The following PGAP4 variants were observed in gnomAD, a reference collection of about 807,000 sequenced individuals.
The protein encoded by PGAP4 is GPI-N-acetylgalactosamine transferase PGAP4.
In PGAP4, 12 loss-of-function variants were observed where a neutral mutation model predicts 28.2. The observed-to-expected ratio is 0.42, with a 90% confidence interval of 0.27 to 0.69. The LOEUF is 0.69. Among genes scored for constraint, PGAP4 ranks in the 30% least tolerant of loss-of-function variants. The pLI is 0.22. For synonymous variants in PGAP4, 205 were observed against 211.8 expected (o/e 0.97, Z 0.28); for missense variants, 425 against 513.5 (o/e 0.83, Z 1.67).
At chr9:101,501,884 A>G in intron 2 of PGAP4, 1 of 435,968 alleles carries the variant, frequency 2.3e-6, no homozygotes, top group Non-Finnish European at 4.5e-6. Flanking sequence ...CTGGTGGAAC[A>G]TGTTTGCGGC....
chr9:101,485,835 A>G (rs193062562), intron 1 of PGAP4, among the ~76,000 whole-genome samples: 1 of 152,114 alleles, frequency 6.6e-6, no homozygotes, highest in Non-Finnish European at 1.5e-5. Context: ...TATCCTTACA[A>G]CATTCTAATA....
chr9:101,505,568 A>T (rs966065828), intron 2 of PGAP4, among the ~76,000 whole-genome samples: 6 of 151,054 alleles, frequency 4.0e-5, no homozygotes, highest in Non-Finnish European at 8.9e-5. Flanking sequence ...TTCTCTGAAT[A>T]AAAAAAAATG....
Position 101,503,696 on chromosome 9 carries a change from A to G in PGAP4, c.-164-14496T>C, listed in dbSNP as rs144465328. ...GAGGTAAGAGAGGTGGTAACCTGGGAAAGCCTGGAAAAAGTCCTGGGAAGA... is the reference window on the plus strand; with the variant it reads ...GAGGTAAGAGAGGTGGTAACCTGGGGAAGCCTGGAAAAAGTCCTGGGAAGA... On this transcript the variant is annotated intron_variant, in intron 2 of 3. Transcript: ENST00000374851. 4.4e-3 allele frequency among the ~76,000 whole-genome samples: 675 copies of G among 152,052 alleles called. 5 individuals are homozygous for G. The highest frequency in any genetic ancestry group is 0.015 in the African/African-American group (642 of 41,510).
At chr9:101,483,578 C>T in intron 1 of PGAP4, among the ~76,000 whole-genome samples, 1 of 152,032 alleles carries the variant, frequency 6.6e-6, no homozygotes, top group Non-Finnish European at 1.5e-5. Flanking sequence ...AGACTCAAAA[C>T]ATGGTTGGTA....
chr9:101,517,926 G>A (rs1826955318), intron 2 of PGAP4, among the ~76,000 whole-genome samples: 1 of 152,124 alleles, frequency 6.6e-6, no homozygotes, highest in Admixed American at 6.5e-5. Flanking sequence ...GTATGTGCAT[G>A]TCTGTCACAT....
intron 2 of PGAP4, among the ~76,000 whole-genome samples, chr9:101,512,633 A>G (rs1826907266): frequency 6.6e-6 from 1 of 152,168 alleles, no homozygotes; most frequent in Non-Finnish European, 1.5e-5. Flanking sequence ...TTCTTGATTC[A>G]TGATATGCTT....
rs372836892 is a variant in PGAP4, at chr9:101,495,853, A to C, written c.-164-6653T>G. Among the ~76,000 whole-genome samples the C allele has an allele frequency of 5.6e-4, 85 of 151,400 alleles. 1 individual carries two copies. In the South Asian group the frequency reaches 0.016, roughly 29 times the overall value. On this transcript the variant is annotated intron_variant, in intron 2 of 3. Transcript: ENST00000374851. ...AAAAAGGTAAAAAAACCAAACCAAA[A>C]CAAAACAAAAACATCCTCCCATAGT...
At chr9:101,494,869 C>A (rs2118579590) in intron 2 of PGAP4, among the ~76,000 whole-genome samples, 1 of 151,208 alleles carries the variant, frequency 6.6e-6, no homozygotes, top group Non-Finnish European at 1.5e-5. Context: ...CAGCATTACA[C>A]CAGGACCATT....
chr9:101,493,372 T>A (rs890437898), intron 2 of PGAP4, among the ~76,000 whole-genome samples: 6 of 152,274 alleles, frequency 3.9e-5, no homozygotes, highest in Admixed American at 1.3e-4. Flanking sequence ...TTGGATGTTA[T>A]CCACAGGTGA....
intron 2 of PGAP4, among the ~76,000 whole-genome samples, chr9:101,493,671 TCAAAG>T (rs1052435854): frequency 5.9e-5 from 9 of 152,306 alleles, no homozygotes; most frequent in African/African-American, 1.9e-4. Context: ...AATGTCTTGG[TCAAAG>T]CTGTTTACAG....
At position 101,476,807 on chromosome 9, in the gene PGAP4, C is replaced by T. The variant is rs1192557136; in HGVS notation, c.286G>A (p.Ala96Thr). The T allele has an allele frequency of 6.2e-7, 1 of 1,610,686 alleles. No homozygotes were observed. The highest frequency in any genetic ancestry group is 8.5e-7 in the Non-Finnish European group (1 of 1,178,202). ...ANGSVPIVWQ[A>T]TPRPWLVITI... is the part of the protein sequence containing the mutation. ...ATCACCAGCCAGGGCCGGGGGGTGGCCTGCCAGACAATGGGCACTGAGCCA... is the reference window on the plus strand; with the variant it reads ...ATCACCAGCCAGGGCCGGGGGGTGGTCTGCCAGACAATGGGCACTGAGCCA... Residue 96 changes from alanine (A) to threonine (T), a missense_variant, in exon 2 of 2, where the codon GCC (alanine) becomes ACC (threonine). Transcript: ENST00000374848. This position sits in a 1 kb window ranked among gnomAD's most constrained non-coding sequence, Gnocchi z 7.0.
intron 2 of PGAP4, among the ~76,000 whole-genome samples, chr9:101,502,485 A>T (rs1349530637): frequency 6.6e-6 from 1 of 152,042 alleles, no homozygotes. Context: ...AAATACCTCC[A>T]ATGACAGACA....
At chr9:101,515,236 T>C (rs2118616993) in intron 2 of PGAP4, among the ~76,000 whole-genome samples, 1 of 152,288 alleles carries the variant, frequency 6.6e-6, no homozygotes, top group East Asian at 1.9e-4. Flanking sequence ...GGCTGCTGCA[T>C]CCTTGGGCAT....
rs902983688 is a variant in PGAP4 at position 101,485,462 on chromosome 9, A to T, written c.-78+1487T>A. 2.6e-5 allele frequency among the ~76,000 whole-genome samples: 4 copies of T among 152,210 alleles called. No individual in the cohort carries two copies. In the East Asian group the frequency reaches 7.7e-4, roughly 29 times the overall value. On this transcript the variant is annotated intron_variant, in intron 1 of 1. Coordinates refer to ENST00000374848, the MANE Select transcript of PGAP4 (RefSeq NM_032342.3). ...AACAGAAAATACTCGCTATAGTGCAACACGTGACAAAGAATTACTACTTCA... is the reference window on the plus strand; with the variant it reads ...AACAGAAAATACTCGCTATAGTGCATCACGTGACAAAGAATTACTACTTCA...
chr9:101,490,281 C>T (rs1826674553), upstream of PGAP4, among the ~76,000 whole-genome samples: 1 of 152,150 alleles, frequency 6.6e-6, no homozygotes, highest in Non-Finnish European at 1.5e-5. Flanking sequence ...CCTTCACTTC[C>T]CAAGTTCCAG....
upstream of PGAP4, chr9:101,489,031 A>G (rs1468102812): frequency 1.3e-5 from 2 of 152,208 alleles, no homozygotes; most frequent in Admixed American, 1.3e-4. Flanking sequence ...AGTACTTTCT[A>G]TGGCTGTTAC....
chr9:101,511,966 C>A (rs1420948628), intron 2 of PGAP4, among the ~76,000 whole-genome samples: 1 of 152,020 alleles, frequency 6.6e-6, no homozygotes, highest in Admixed American at 6.6e-5. Context: ...CTCTCTCCAG[C>A]CAGAATGACA....
At chr9:101,517,623 A>G (rs1826953389) in intron 2 of PGAP4, among the ~76,000 whole-genome samples, 1 of 152,172 alleles carries the variant, frequency 6.6e-6, no homozygotes, top group Admixed American at 6.5e-5. Flanking sequence ...GTGATTCAAG[A>G]TGATGGTTGT....
intron 2 of PGAP4, among the ~76,000 whole-genome samples, chr9:101,503,773 C>A (rs909129176): frequency 2.0e-5 from 3 of 151,930 alleles, no homozygotes; most frequent in Non-Finnish European, 4.4e-5. Flanking sequence ...TTTGATTCTA[C>A]CCTAAACTTC....
Sources: allele counts gnomAD v4.1 joint callset (sites outside exome capture counted in the v4.1 genomes callset), GRCh38; gene constraint gnomAD v4.1.1; non-coding constraint Gnocchi (gnomAD v3.1); transcripts MANE v1.5; gene names NCBI Gene and HGNC (gene_info 2026-07-23, HGNC 2026-07-21).